SUPT3H: variants seen among roughly 807,000 people sequenced by gnomAD.
SUPT3H encodes SPT3 homolog, SAGA and STAGA complex component, also known as transcription initiation protein SPT3 homolog.
SUPT3H carries 44 observed loss-of-function variants against 44.3 expected under a neutral mutation model. That is an observed-to-expected ratio of 0.99 (90% CI 0.78 to 1.28). SUPT3H has a LOEUF of 1.28. SUPT3H is among the 50% of genes most tolerant of loss of function. SUPT3H has a pLI of 0.00. For missense variants in SUPT3H, 380 were observed against 387.1 expected, an observed-to-expected ratio of 0.98 and a Z score of 0.15; for synonymous variants, 124 against 125.6, an observed-to-expected ratio of 0.99 and a Z score of 0.09.
chr6:45,219,613 C>A (rs1348933491), intron 2 of SUPT3H, among the ~76,000 whole-genome samples: 3 of 152,126 alleles, frequency 2.0e-5, no homozygotes, highest in African/African-American at 7.2e-5. Context: ...TGTCCTATAA[C>A]AATGTTAAAA....
intron 2 of SUPT3H, among the ~76,000 whole-genome samples, chr6:45,302,034 C>T (rs1782204229): frequency 1.3e-5 from 2 of 152,150 alleles, no homozygotes; most frequent in African/African-American, 4.8e-5. Flanking sequence ...ACCAATGAGG[C>T]CCAGTTTACC....
chr6:45,130,529 G>A (rs1163105962), intron 2 of SUPT3H, among the ~76,000 whole-genome samples: 10 of 151,728 alleles, frequency 6.6e-5, no homozygotes, highest in Admixed American at 6.6e-4. Flanking sequence ...GCCTAGCTCT[G>A]TAGCTGCTGG....
chr6:45,259,819 T>C (rs1430957379), intron 2 of SUPT3H, among the ~76,000 whole-genome samples: 1 of 152,160 alleles, frequency 6.6e-6, no homozygotes, highest in African/African-American at 2.4e-5. Flanking sequence ...TCTTCAAAAC[T>C]GATGTTGGAA....
In SUPT3H at chr6:44,829,143, A is replaced by G. The variant is rs571940515; in HGVS notation, c.*673T>C. 1 of 152,520 alleles carries G rather than the reference A, an allele frequency of 6.6e-6. No homozygotes were observed. The highest frequency in any genetic ancestry group is 1.9e-4 in the East Asian group (1 of 5,190). The allele number at this position is 152,520 out of a possible 1,614,324, so 9.4% of individuals were successfully genotyped here. On this transcript the variant is annotated 3_prime_UTR_variant, in exon 11 of 11. Coordinates refer to ENST00000371459, the MANE Select transcript of SUPT3H (RefSeq NM_003599.4). ...GGATCTGGGGATTGGAGGAACAGGA[A>G]AAGGAGGGAAATGAAGATGGAGGAA...
At chr6:44,904,138 T>G (rs1178602437) in intron 10 of SUPT3H, among the ~76,000 whole-genome samples, 1 of 152,190 alleles carries the variant, frequency 6.6e-6, no homozygotes, top group Admixed American at 6.5e-5. Flanking sequence ...GGATGCCCTC[T>G]CTCACCACTC....
chr6:45,265,245 T>C (rs1390679040), intron 2 of SUPT3H, among the ~76,000 whole-genome samples: 3 of 152,156 alleles, frequency 2.0e-5, no homozygotes, highest in East Asian at 3.8e-4. Flanking sequence ...TAAACATAAT[T>C]GAAAATTTTT....
intron 10 of SUPT3H, among the ~76,000 whole-genome samples, chr6:44,879,617 A>G (rs114252115): frequency 6.7e-6 from 1 of 149,000 alleles, no homozygotes; most frequent in African/African-American, 2.4e-5. Flanking sequence ...CCTGACCCCC[A>G]TGCCTCCTGA....
At chr6:45,337,761 G>C (rs1170886274) in intron 2 of SUPT3H, among the ~76,000 whole-genome samples, 1 of 151,782 alleles carries the variant, frequency 6.6e-6, no homozygotes, top group Non-Finnish European at 1.5e-5. Context: ...CCCCTCCACT[G>C]TTGGTTGTTA....
intron 11 of SUPT3H, among the ~76,000 whole-genome samples, chr6:44,818,464 A>T (rs1384237176): frequency 2.0e-5 from 3 of 152,274 alleles, no homozygotes; most frequent in African/African-American, 7.2e-5. Context: ...ATAAAAATTG[A>T]TAACTTTGAC....
intron 2 of SUPT3H, among the ~76,000 whole-genome samples, chr6:45,171,197 T>A (rs1003672707): frequency 3.3e-5 from 5 of 152,214 alleles, no homozygotes; most frequent in Admixed American, 6.5e-5. Context: ...GTTTTGAGCA[T>A]GAGCATTAAG....
At chr6:45,072,367 C>G (rs1218189049) in intron 3 of SUPT3H, among the ~76,000 whole-genome samples, 1 of 152,144 alleles carries the variant, frequency 6.6e-6, no homozygotes, top group Non-Finnish European at 1.5e-5. Flanking sequence ...AATGTGGACC[C>G]TGACCAGTGC....
At chr6:45,094,449 C>A (rs1004610749) in intron 3 of SUPT3H, among the ~76,000 whole-genome samples, 1 of 152,076 alleles carries the variant, frequency 6.6e-6, no homozygotes, top group African/African-American at 2.4e-5. Flanking sequence ...AATTCTGTGA[C>A]ACTGAAGTAA....
intron 2 of SUPT3H, among the ~76,000 whole-genome samples, chr6:45,283,930 A>C (rs1369455131): frequency 6.6e-6 from 1 of 152,124 alleles, no homozygotes; most frequent in Non-Finnish European, 1.5e-5. Flanking sequence ...GGATTAAGAA[A>C]CTCACTCAGA....
chr6:44,900,824 C>A (rs531786481), intron 10 of SUPT3H, among the ~76,000 whole-genome samples: 74 of 152,320 alleles, frequency 4.9e-4, no homozygotes, highest in African/African-American at 1.6e-3. Context: ...TGAGACAAAA[C>A]TTCCAGAGGA....
intron 3 of SUPT3H, chr6:45,098,889 T>C (rs1003337667): frequency 2.9e-5 from 16 of 544,674 alleles, no homozygotes; most frequent in African/African-American, 2.5e-4. Flanking sequence ...TGATTGTCAA[T>C]GGCTGTAGAC....
chr6:45,061,605 G>T (rs917649799), intron 3 of SUPT3H, among the ~76,000 whole-genome samples: 2 of 152,080 alleles, frequency 1.3e-5, no homozygotes, highest in African/African-American at 4.8e-5. Flanking sequence ...TAAAATAAAA[G>T]TTGAAGAAAC....
chr6:45,009,488 G>A (rs1342955385), intron 5 of SUPT3H, among the ~76,000 whole-genome samples: 2 of 152,132 alleles, frequency 1.3e-5, no homozygotes, highest in African/African-American at 4.8e-5. Flanking sequence ...TTAACTTTGT[G>A]TACTGTGTTG....
At chr6:44,867,134 T>C (rs967342707) in intron 10 of SUPT3H, among the ~76,000 whole-genome samples, 8 of 152,108 alleles carry the variant, frequency 5.3e-5, no homozygotes, top group Non-Finnish European at 1.0e-4. Context: ...TTTAGACAGT[T>C]ACTTATAAAG....
At chr6:45,141,826 C>T (rs924856766) in intron 2 of SUPT3H, among the ~76,000 whole-genome samples, 3 of 152,136 alleles carry the variant, frequency 2.0e-5, no homozygotes, top group Admixed American at 6.6e-5. Context: ...GTGTGGAAAA[C>T]TTATTTGAGG....
Sources: gnomAD v4.1 joint callset for allele counts (sites outside exome capture counted in the v4.1 genomes callset) on GRCh38, gnomAD v4.1.1 for gene constraint, MANE v1.5 for transcripts, NCBI Gene and HGNC (gene_info 2026-07-23, HGNC 2026-07-21) for gene names.